The following SGK1 variants were observed in gnomAD, a reference collection of about 807,000 sequenced individuals.
SGK1 encodes serine/threonine-protein kinase Sgk1.
Under a neutral mutation model 64.2 loss-of-function variants are expected in SGK1, and 26 were observed. The ratio of observed to expected loss-of-function variants is 0.40; its 90% CI spans 0.30 to 0.56. The LOEUF (loss-of-function observed/expected upper bound fraction) is 0.56. Ranked by LOEUF, SGK1 falls within the 20% of genes least tolerant of loss-of-function variation. SGK1 has a pLI of 0.38. For missense variants in SGK1, 519 were observed against 645.6 expected (o/e 0.80, Z 2.12); for synonymous variants, 265 against 239.7 (o/e 1.11, Z -0.98).
At chr6:134,254,128 C>T (rs200687868) in intron 2 of SGK1, among the ~76,000 whole-genome samples, 177 of 88,214 alleles carry the variant, frequency 2.0e-3, no homozygotes, top group East Asian at 4.0e-3. Flanking sequence ...TTTTTTTTTT[C>T]AAAAAAAAAA....
At chr6:134,176,554 C>T (rs773514082) in intron 3 of SGK1, among the ~76,000 whole-genome samples, 107 of 152,118 alleles carry the variant, frequency 7.0e-4, no homozygotes, top group Non-Finnish European at 1.1e-3. Flanking sequence ...GGGCCCGGAG[C>T]GGGCAGTTAC....
chr6:134,273,868 A>G (rs1776979696), intron 1 of SGK1, among the ~76,000 whole-genome samples: 1 of 152,110 alleles, frequency 6.6e-6, no homozygotes, highest in South Asian at 2.1e-4. Context: ...TGTGTTGCCC[A>G]GGCTGATCTT....
intron 2 of SGK1, among the ~76,000 whole-genome samples, chr6:134,248,445 C>CTTT (rs34315643): frequency 7.8e-5 from 8 of 103,032 alleles, no homozygotes; most frequent in Admixed American, 1.1e-4. Flanking sequence ...TCTCCTCCGC[C>CTTT]TTTTTTTTTT....
intron 1 of SGK1, among the ~76,000 whole-genome samples, chr6:134,274,787 G>GTCTTT (rs142632426): frequency 0.057 from 8,573 of 150,060 alleles, 281 homozygotes; most frequent in South Asian, 0.093. Context: ...TGCCCTTTTA[G>GTCTTT]TCTTTTCTTT....
chr6:134,308,977 A>G (rs1777573912), intron 1 of SGK1, among the ~76,000 whole-genome samples: 2 of 152,174 alleles, frequency 1.3e-5, no homozygotes, highest in African/African-American at 4.8e-5. Context: ...GAACCACATG[A>G]CCAGTCATTT....
At chr6:134,175,126 G>C (rs965521051) in intron 3 of SGK1, among the ~76,000 whole-genome samples, 2 of 152,172 alleles carry the variant, frequency 1.3e-5, no homozygotes, top group African/African-American at 2.4e-5. Flanking sequence ...GGGCAGGAGA[G>C]AGAGAACGCG....
chr6:134,220,173 T>C (rs1776068140), intron 2 of SGK1, among the ~76,000 whole-genome samples: 1 of 151,702 alleles, frequency 6.6e-6, no homozygotes, highest in Non-Finnish European at 1.5e-5. Flanking sequence ...TTTTGCCTGA[T>C]CCAGAGAAAA....
intron 2 of SGK1, among the ~76,000 whole-genome samples, chr6:134,237,041 ATTTTCT>A (rs1378466302): frequency 2.1e-5 from 3 of 142,764 alleles, no homozygotes; most frequent in African/African-American, 7.7e-5. Flanking sequence ...TTTGAAATTA[ATTTTCT>A]TTTTCTTTTT....
At chr6:134,274,935 A>G (rs1776998136) in intron 1 of SGK1, among the ~76,000 whole-genome samples, 1 of 151,986 alleles carries the variant, frequency 6.6e-6, no homozygotes, top group East Asian at 1.9e-4. Context: ...CCTCCAAGTA[A>G]CTGGGATTAC....
At chr6:134,296,795 A>G (rs1777355554) in intron 1 of SGK1, among the ~76,000 whole-genome samples, 1 of 151,000 alleles carries the variant, frequency 6.6e-6, no homozygotes, top group African/African-American at 2.5e-5. Flanking sequence ...AAAAAAAAAA[A>G]AAACAGTTGA....
intron 1 of SGK1, among the ~76,000 whole-genome samples, chr6:134,266,784 C>A (rs983349839): frequency 1.3e-5 from 2 of 152,072 alleles, no homozygotes; most frequent in African/African-American, 4.8e-5. Context: ...GTTTGAGACT[C>A]CAATAGAATG....
intron 1 of SGK1, among the ~76,000 whole-genome samples, chr6:134,279,165 C>T (rs965682235): frequency 1.6e-4 from 24 of 152,150 alleles, no homozygotes; most frequent in African/African-American, 5.8e-4. Context: ...GGAGCAGTGG[C>T]TCATGCATGT....
At chr6:134,184,504 CAAAAAAAAAA>C (rs1162404618) in intron 3 of SGK1, among the ~76,000 whole-genome samples, 341 of 63,590 alleles carry the variant, frequency 5.4e-3, no homozygotes, top group Admixed American at 0.013. Flanking sequence ...GACTCCATCT[CAAAAAAAAAA>C]AAAAAAAAAA....
rs117471154 is a variant in SGK1, at chr6:134,183,627, A to G, written c.362-9041T>C. ...GCCCCGCTATGCCTTAATGTCATTA[A>G]AGTACAGCCTTGGGCACGTTTGATC... On this transcript the variant is annotated intron_variant, in intron 3 of 13. Coordinates refer to ENST00000367858, the MANE Select transcript of SGK1 (RefSeq NM_001143676.3). Among the ~76,000 whole-genome samples, 78 of 152,308 alleles carry G rather than the reference A, an allele frequency of 5.1e-4. No individual in the cohort carries two copies. The East Asian group carries it at 0.014, about 26-fold the overall frequency.
In SGK1 at chr6:134,170,170, C is replaced by T. The variant is rs1007782376; in HGVS notation, c.*98G>A. ...AAGCTTCCAGAGATGTGCAAATTCTCTTGTAAGATGTCCTGTCAGCTGGCG... is the reference window on the plus strand; with the variant it reads ...AAGCTTCCAGAGATGTGCAAATTCTTTTGTAAGATGTCCTGTCAGCTGGCG... On this transcript the variant is annotated 3_prime_UTR_variant, in exon 14 of 14. Coordinates refer to ENST00000367858, the MANE Select transcript of SGK1 (RefSeq NM_001143676.3). 1.1e-5 allele frequency: 12 copies of T among 1,054,862 alleles called. No individual in the cohort carries two copies. Among genetic ancestry groups the T allele is most frequent in the Middle Eastern group, 2.6e-4 (1 of 3,856 alleles). The allele number at this position is 1,054,862 out of a possible 1,614,324, so 65.3% of individuals were successfully genotyped here.
At chr6:134,199,663 G>GA (rs202059197) in intron 3 of SGK1, among the ~76,000 whole-genome samples, 3,417 of 144,322 alleles carry the variant, frequency 0.024, 123 homozygotes, top group African/African-American at 0.079. Context: ...AATAAATGTA[G>GA]AAAAAAATAT....
At chr6:134,310,138 T>C (rs1777588803) in intron 1 of SGK1, among the ~76,000 whole-genome samples, 1 of 151,226 alleles carries the variant, frequency 6.6e-6, no homozygotes, top group Admixed American at 6.6e-5. Flanking sequence ...TTACAGATCA[T>C]AAAATATGGG....
intron 1 of SGK1, among the ~76,000 whole-genome samples, chr6:134,299,136 CTG>C (rs1777408208): frequency 6.6e-6 from 1 of 151,010 alleles, no homozygotes; most frequent in Admixed American, 6.6e-5. Flanking sequence ...AGAAAGCAAT[CTG>C]TGCAATTCAC....
At chr6:134,308,361 G>C (rs963288407) in intron 1 of SGK1, among the ~76,000 whole-genome samples, 1 of 152,114 alleles carries the variant, frequency 6.6e-6, no homozygotes. Context: ...AGGGACTTGA[G>C]TCTAAATATG....
Sources: gnomAD v4.1 joint callset for allele counts (sites outside exome capture counted in the v4.1 genomes callset) on GRCh38, gnomAD v4.1.1 for gene constraint, MANE v1.5 for transcripts, NCBI Gene and HGNC (gene_info 2026-07-23, HGNC 2026-07-21) for gene names.